Variants in EDIL3 observed in about 807,000 individuals in gnomAD.
The protein encoded by EDIL3 is EGF like and discoidin domains 3, also known as EGF-like repeat and discoidin I-like domain-containing protein 3.
EDIL3 carries 37 observed loss-of-function variants against 67.4 expected under a neutral mutation model. That is an observed-to-expected ratio of 0.55 (90% confidence interval 0.42 to 0.72). EDIL3 has a LOEUF of 0.72. EDIL3 is among the 30% of genes least tolerant of loss of function. The probability of loss-of-function intolerance (pLI) is 0.00; values close to 1 mark genes in which losing one functional copy is unlikely to be tolerated. For missense variants in EDIL3, 527 were observed against 586.3 expected (o/e 0.90, Z 1.04); for synonymous variants, 195 against 196.3 (o/e 0.99, Z 0.05).
At chr5:84,001,780 C>G (rs997874867) in intron 9 of EDIL3, among the ~76,000 whole-genome samples, 2 of 152,004 alleles carry the variant, frequency 1.3e-5, no homozygotes, top group Non-Finnish European at 2.9e-5. Context: ...AAAAAAATCT[C>G]CCATCAAAGG....
intron 9 of EDIL3, among the ~76,000 whole-genome samples, chr5:84,058,175 T>C (rs751563369): frequency 2.0e-5 from 3 of 152,078 alleles, no homozygotes; most frequent in African/African-American, 7.2e-5. Flanking sequence ...AAGGAGATAG[T>C]ACTTGGTTTG....
chr5:84,314,656 T>G (rs1033924730), intron 1 of EDIL3, among the ~76,000 whole-genome samples: 2 of 152,204 alleles, frequency 1.3e-5, no homozygotes, highest in Non-Finnish European at 2.9e-5. Flanking sequence ...AATTTAATCC[T>G]TTCCATTATA....
At chr5:83,955,947 A>G (rs75284944) in intron 10 of EDIL3, among the ~76,000 whole-genome samples, 2,504 of 151,934 alleles carry the variant, frequency 0.016, 57 homozygotes, top group African/African-American at 0.058. Flanking sequence ...AGAAACCTCA[A>G]AATTAATCCT....
rs1229962573 is a variant in EDIL3, at chr5:83,940,720, G to A, written c.*2699C>T. ...ACATTGGAATATTACACAGCTTGAA[G>A]GTTTGCAAAGGTTATTTGTGTCTTA... On this transcript the variant is annotated 3_prime_UTR_variant, in exon 11 of 11. Transcript: ENST00000296591. The A allele has an allele frequency of 1.3e-5, 2 of 151,914 alleles. No homozygotes were observed. The highest frequency in any genetic ancestry group is 2.9e-5 in the Non-Finnish European group (2 of 67,870). The allele number at this position is 151,914 out of a possible 1,614,324, so 9.4% of individuals were successfully genotyped here. A position where few individuals can be genotyped will look rare whatever the true frequency, so the allele number is the denominator to read the frequency against.
At chr5:84,360,719 CA>C in intron 1 of EDIL3, among the ~76,000 whole-genome samples, 1 of 152,016 alleles carries the variant, frequency 6.6e-6, no homozygotes, top group African/African-American at 2.4e-5. Context: ...ATTGGCATGG[CA>C]AAAAGTGGTC....
chr5:84,003,423 G>T (rs905689678), intron 9 of EDIL3, among the ~76,000 whole-genome samples: 1 of 152,130 alleles, frequency 6.6e-6, no homozygotes, highest in African/African-American at 2.4e-5. Context: ...AAGGTCTATG[G>T]CCAAAACTCA....
intron 5 of EDIL3, among the ~76,000 whole-genome samples, chr5:84,132,211 C>T (rs1747979212): frequency 7.0e-6 from 1 of 142,676 alleles, no homozygotes; most frequent in Admixed American, 7.6e-5. Context: ...CTCTAGCCAC[C>T]TGGGAGACGG....
intron 1 of EDIL3, among the ~76,000 whole-genome samples, chr5:84,363,600 A>G (rs1054692527): frequency 6.6e-6 from 1 of 152,182 alleles, no homozygotes; most frequent in Admixed American, 6.5e-5. Context: ...CTGATACTGT[A>G]TTAAAGGAAA....
intron 5 of EDIL3, among the ~76,000 whole-genome samples, chr5:84,120,665 T>A (rs1339727523): frequency 6.6e-6 from 1 of 152,024 alleles, no homozygotes; most frequent in Non-Finnish European, 1.5e-5. Flanking sequence ...CTTGAGTATA[T>A]CCAAATATCA....
chr5:84,004,303 T>C (rs571666830), intron 9 of EDIL3, among the ~76,000 whole-genome samples: 5 of 152,198 alleles, frequency 3.3e-5, no homozygotes, highest in South Asian at 2.1e-4. Context: ...GGGCCTAAAC[T>C]TGAAACTTGA....
intron 6 of EDIL3, among the ~76,000 whole-genome samples, chr5:84,077,498 C>T (rs560300979): frequency 5.3e-5 from 8 of 152,164 alleles, no homozygotes; most frequent in East Asian, 3.9e-4. Context: ...TGGCAGAAGG[C>T]GAAGGAGGGG....
In EDIL3 at chr5:84,191,533, G is replaced by A. The variant is rs565943044; in HGVS notation, c.227-11012C>T. 6.6e-5 allele frequency among the ~76,000 whole-genome samples: 10 copies of A among 152,194 alleles called. No homozygotes were observed. The South Asian group carries it at 1.0e-3, about 16-fold the overall frequency. On this transcript the variant is annotated intron_variant, in intron 3 of 10. Coordinates refer to ENST00000296591, the MANE Select transcript of EDIL3 (RefSeq NM_005711.5). The stretch of plus-strand genomic sequence containing the variant: ...TGAGGAGGCATAAAACAAAGCAGGC[G>A]TGGATTCTGGCCAGCTGGCCATCTG...
In EDIL3 at chr5:84,272,537, G is replaced by A. The variant is rs1347004369; in HGVS notation, c.68-18325C>T. ...CATATGTATGTGTAGGTATATATAT[G>A]CACATATATAATTCATTTAATACAC... On this transcript the variant is annotated intron_variant, in intron 1 of 10. Coordinates refer to ENST00000296591, the MANE Select transcript of EDIL3 (RefSeq NM_005711.5). Among the ~76,000 whole-genome samples the A allele has an allele frequency of 2.6e-5, 4 of 152,038 alleles. No individual in the cohort carries two copies. The South Asian group carries it at 6.2e-4, about 24-fold the overall frequency.
rs188448338 is a variant in EDIL3 at position 84,039,422 on chromosome 5, T to C, written c.1137+20878A>G. On this transcript the variant is annotated intron_variant, in intron 9 of 10. Coordinates refer to ENST00000296591, the MANE Select transcript of EDIL3 (RefSeq NM_005711.5). ...TAGCATCTTTACCACCAGAACGAAA[T>C]AGAGATTAAAACTTTTGATGTGGAA... is the stretch of plus-strand genomic sequence containing the variant. Among the ~76,000 whole-genome samples, 3 of 152,158 alleles carry C rather than the reference T, an allele frequency of 2.0e-5. No homozygotes were observed. The East Asian group carries it at 5.8e-4, about 29-fold the overall frequency.
At chr5:84,122,168 T>C (rs1747787551) in intron 5 of EDIL3, among the ~76,000 whole-genome samples, 1 of 151,986 alleles carries the variant, frequency 6.6e-6, no homozygotes, top group Admixed American at 6.6e-5. Context: ...CTAAGATAAG[T>C]AATATCTAAA....
chr5:84,315,898 T>A lies in EDIL3; in HGVS notation c.68-61686A>T, dbSNP rs184201590. Among the ~76,000 whole-genome samples the A allele has an allele frequency of 8.9e-4, 136 of 152,298 alleles. 1 individual carries two copies. The East Asian group carries it at 0.023, about 26-fold the overall frequency. On this transcript the variant is annotated intron_variant, in intron 1 of 10. Transcript: ENST00000296591. ...ACCCACAAAGGGAAGCCCATCAGAC[T>A]AACAGCAGATCTCTCAACAGAAACT... is the stretch of plus-strand genomic sequence containing the variant.
chr5:84,110,057 T>C (rs1054119305), intron 5 of EDIL3, among the ~76,000 whole-genome samples: 2 of 152,186 alleles, frequency 1.3e-5, no homozygotes, highest in Non-Finnish European at 2.9e-5. Flanking sequence ...TTAGCCCCTT[T>C]CGAGTAGGAG....
intron 5 of EDIL3, among the ~76,000 whole-genome samples, chr5:84,128,312 C>A (rs577975669): frequency 6.6e-6 from 1 of 151,994 alleles, no homozygotes; most frequent in South Asian, 2.1e-4. Context: ...CTGAGAAAGG[C>A]GTTTGTCTCT....
At chr5:84,138,471 A>C (rs1046987890) in intron 4 of EDIL3, among the ~76,000 whole-genome samples, 5 of 152,210 alleles carry the variant, frequency 3.3e-5, no homozygotes, top group Admixed American at 6.5e-5. Context: ...CAATAGAAAT[A>C]GTCATGTGCA....
Sources: allele counts gnomAD v4.1 joint callset (sites outside exome capture counted in the v4.1 genomes callset), GRCh38; gene constraint gnomAD v4.1.1; transcripts MANE v1.5; gene names NCBI Gene and HGNC (gene_info 2026-07-23, HGNC 2026-07-21).